Variants in TMEM63A observed in about 807,000 individuals in gnomAD.
TMEM63A encodes the protein mechanosensitive cation channel TMEM63A.
Under a neutral mutation model 100.6 loss-of-function variants are expected in TMEM63A, and 76 were observed. The observed-to-expected ratio is 0.76, with a 90% confidence interval of 0.63 to 0.91. The LOEUF is 0.91. Among genes scored for constraint, TMEM63A ranks in the 40% least tolerant of loss-of-function variants. TMEM63A has a pLI of 0.00. For missense variants in TMEM63A, 876 were observed against 1,008.8 expected (o/e 0.87, Z 1.78); for synonymous variants, 401 against 401.1 (o/e 1.00, Z 0.00).
intron 6 of TMEM63A, among the ~76,000 whole-genome samples, chr1:225,869,802 A>G (rs1670411126): frequency 1.3e-5 from 2 of 150,890 alleles, no homozygotes; most frequent in South Asian, 4.2e-4. Context: ...AGCTGGGATT[A>G]CAGGCACCCG....
In TMEM63A at chr1:225,849,962, G is replaced by T. The variant is rs758539519; in HGVS notation, c.2021C>A (p.Ala674Asp). Residue 674 changes from alanine to aspartate, a missense_variant, in exon 21 of 25, where the codon GCC becomes GAC. Around this residue, in one of 5 missense-constraint regions of TMEM63A, gnomAD observed 339 missense variants for 342.3 expected, o/e 0.99. Coordinates refer to ENST00000366835, the MANE Select transcript of TMEM63A (RefSeq NM_014698.3). ...GAGCCAGAAGAGGCACAGGATGGGG[G>T]CTGCCAAGGCCTGGTTCACAGCGGC... ...HFAAVNQALA[A>D]PILCLFWLYF... 1.9e-6 allele frequency: 3 copies of T among 1,614,252 alleles called. No individual in the cohort carries two copies. The highest frequency in any genetic ancestry group is 1.7e-5 in the Admixed American group (1 of 60,022).
downstream of TMEM63A, among the ~76,000 whole-genome samples, chr1:225,842,206 G>A (rs182587586): frequency 1.5e-4 from 23 of 152,352 alleles, no homozygotes; most frequent in Non-Finnish European, 2.6e-4. Flanking sequence ...TTAAGGAAGC[G>A]AGGCATGTGA....
Position 225,853,797 on chromosome 1 carries a change from G to T in TMEM63A, c.1635-6C>A. On this transcript the variant is annotated splice_polypyrimidine_tract_variant and splice_region_variant and intron_variant, in intron 18 of 24. Transcript: ENST00000366835. The surrounding 1 kb of genome is among the most constrained non-coding windows in gnomAD (Gnocchi z 4.0). Reference sequence around the variant, plus strand: ...GGTCAGGCAGGAAGACGCACCTGGGGAAACCAGGGCCCAGGTCTGTGAGCT... The same window carrying T: ...GGTCAGGCAGGAAGACGCACCTGGGTAAACCAGGGCCCAGGTCTGTGAGCT... The T allele has an allele frequency of 6.3e-7, 1 of 1,592,986 alleles. No individual in the cohort carries two copies.
chr1:225,872,232 A>G (rs1407488401), intron 4 of TMEM63A, among the ~76,000 whole-genome samples, 179 bp from the exon 5 acceptor site: 1 of 152,226 alleles, frequency 6.6e-6, no homozygotes, highest in Non-Finnish European at 1.5e-5. Flanking sequence ...GACAAGGACA[A>G]TGACCATTCC....
At position 225,867,557 on chromosome 1, in the gene TMEM63A, G is replaced by A. The variant is rs1298560875; in HGVS notation, c.514+331C>T. ...CACCCTGATTTTAATTAAGTATCAT[G>A]GATATCTTCTGGGTCCATTAATTGT... is the stretch of plus-strand genomic sequence containing the variant. On this transcript the variant is annotated intron_variant, in intron 7 of 24. Coordinates refer to ENST00000366835, the MANE Select transcript of TMEM63A (RefSeq NM_014698.3). The surrounding 1 kb of genome is among the most constrained non-coding windows in gnomAD (Gnocchi z 4.6). Among the ~76,000 whole-genome samples the A allele has an allele frequency of 2.0e-5, 3 of 152,120 alleles. No individual in the cohort carries two copies. The highest frequency in any genetic ancestry group is 7.2e-5 in the African/African-American group (3 of 41,426).
At chr1:225,842,333 T>A, downstream of TMEM63A, 2 of 1,482,496 alleles carry the variant, frequency 1.3e-6, no homozygotes, top group Non-Finnish European at 1.9e-6. Context: ...TCCCCAGGCC[T>A]GAGTCTCTCC....
At chr1:225,878,559 C>T (rs1178083276) in intron 2 of TMEM63A, among the ~76,000 whole-genome samples, 1 of 152,148 alleles carries the variant, frequency 6.6e-6, no homozygotes, top group African/African-American at 2.4e-5. Flanking sequence ...CAGTGTCTGT[C>T]CCCTGACACC....
In TMEM63A at chr1:225,850,062, G is replaced by A. The variant is rs751643225; in HGVS notation, c.1921C>T (p.Leu641Phe). The change falls in exon 21 of 25, where the codon CTC (leucine) becomes TTC (phenylalanine). Residue 641 changes from leucine to phenylalanine, a missense_variant. Physicochemically the swap from Leu to Phe is conservative, Grantham distance 22. This residue lies in a region of TMEM63A where 339 missense variants were observed against 342.3 expected (regional missense o/e 0.99). Coordinates refer to ENST00000366835, the MANE Select transcript of TMEM63A (RefSeq NM_014698.3). ...IAPFGLIYIL[L>F]KHMVDRHNLY... is the part of the protein sequence containing the mutation. ...TTGTGCCGGTCCACCATGTGCTTGA[G>A]CAGGATGTAGATGAGGCCTGCAGGG... 1.2e-6 allele frequency: 2 copies of A among 1,614,206 alleles called. No homozygotes were observed. Among genetic ancestry groups the A allele is most frequent in the Admixed American group, 3.3e-5 (2 of 60,030 alleles).
At position 225,862,894 on chromosome 1, in the gene TMEM63A, A is replaced by G. The variant is rs1287290301; in HGVS notation, c.747-43T>C. 1 of 1,585,900 alleles carries G rather than the reference A, an allele frequency of 6.3e-7. No individual in the cohort carries two copies. Among genetic ancestry groups the G allele is most frequent in the Non-Finnish European group, 8.6e-7 (1 of 1,159,196 alleles). The stretch of plus-strand genomic sequence containing the variant: ...AGGAGGCAAAAGACACCGTTGGAAA[A>G]GAAAACACCCCAAGCAGGAGACGTG... On this transcript the variant is annotated intron_variant, in intron 10 of 24. Coordinates refer to ENST00000366835, the MANE Select transcript of TMEM63A (RefSeq NM_014698.3). This position sits in a 1 kb window ranked among gnomAD's most constrained non-coding sequence, Gnocchi z 5.1.
chr1:225,859,528 TA>T, intron 14 of TMEM63A, 179 bp from the exon 15 acceptor site: 2 of 732,230 alleles, frequency 2.7e-6, no homozygotes, highest in Non-Finnish European at 4.3e-6. Context: ...AGGGAACAAT[TA>T]TTCTCTCAGA....
At chr1:225,874,243 C>T (rs368496084) in intron 4 of TMEM63A, 45 bp downstream of exon 4, 3 of 1,570,320 alleles carry the variant, frequency 1.9e-6, no homozygotes, top group African/African-American at 2.7e-5. Flanking sequence ...TACACACTCA[C>T]ACGTACGCAC....
At position 225,867,919 on chromosome 1, in the gene TMEM63A, G is replaced by A. The variant is rs1429058212; in HGVS notation, c.483C>T (p.Ile161=). The A allele has an allele frequency of 3.7e-6, 6 of 1,614,060 alleles. No individual in the cohort carries two copies. Among genetic ancestry groups the A allele is most frequent in the Non-Finnish European group, 5.1e-6 (6 of 1,180,048 alleles). Residue 161 remains isoleucine (I), a synonymous_variant, in exon 7 of 25, where the codon ATC becomes ATT. Transcript: ENST00000366835. This position sits in a 1 kb window ranked among gnomAD's most constrained non-coding sequence, Gnocchi z 4.6. Reference sequence around the variant, plus strand: ...AGTCCCCTGAGAGGTTGACAGGCAGGATGACACACAGGGACAAAAAGCTGA... The same window carrying A: ...AGTCCCCTGAGAGGTTGACAGGCAGAATGACACACAGGGACAAAAAGCTGA... ...VVVSFLSLCV[I]LPVNLSGDLL...
chr1:225,882,120 G>A (rs1324474600), intron 1 of TMEM63A, among the ~76,000 whole-genome samples, 184 bp downstream of exon 1: 1 of 152,250 alleles, frequency 6.6e-6, no homozygotes, highest in Non-Finnish European at 1.5e-5. Context: ...GCGCAGGGCT[G>A]GAATGGAGGC....
rs1390451342 is a variant in TMEM63A, at chr1:225,874,321, T to C, written c.233A>G (p.Tyr78Cys). The C allele has an allele frequency of 6.2e-7, 1 of 1,614,128 alleles. No individual in the cohort carries two copies. The highest frequency in any genetic ancestry group is 8.5e-7 in the Non-Finnish European group (1 of 1,180,016). Residue 78 changes from tyrosine to cysteine, a missense_variant, in exon 4 of 25, where the codon TAT (tyrosine) becomes TGT (cysteine). Transcript: ENST00000366835. ...FSIIRRRFWDYGRIALVSEAD... is the reference protein window; with the variant it reads ...FSIIRRRFWDCGRIALVSEAD... The stretch of plus-strand genomic sequence containing the variant: ...TTCTGACACCAGGGCAATGCGGCCA[T>C]AGTCCCAGAATCTTCTTCTTATAAT...
Position 225,865,884 on chromosome 1 carries a change from C to T in TMEM63A, c.746+13G>A, listed in dbSNP as rs1234109478. On this transcript the variant is annotated intron_variant, in intron 10 of 24. Coordinates refer to ENST00000366835, the MANE Select transcript of TMEM63A (RefSeq NM_014698.3). The surrounding 1 kb of genome is among the most constrained non-coding windows in gnomAD (Gnocchi z 4.6). ...GGAGGGGGCTCAGCTCCCCTCCCAC[C>T]CCACCTGCTTACCGGAAGTGGCTCT... 6.2e-7 allele frequency: 1 copy of T among 1,613,384 alleles called. No homozygotes were observed. Among genetic ancestry groups the T allele is most frequent in the African/African-American group, 1.3e-5 (1 of 74,884 alleles).
rs1293957718 is a variant in TMEM63A at position 225,877,450 on chromosome 1, C to T, written c.131G>A (p.Gly44Glu). ...AGTGGGGATGCCACCAAAGGTGACCCCCTGGAGCACGGTGCTGTTTTTGGC... is the reference window on the plus strand; with the variant it reads ...AGTGGGGATGCCACCAAAGGTGACCTCCTGGAGCACGGTGCTGTTTTTGGC... ...NSAKNSTVLQ[G>E]VTFGGIPTVL... is the part of the protein sequence containing the mutation. Residue 44 changes from glycine to glutamate, a missense_variant, in exon 3 of 25, where the codon GGG (glycine) becomes GAG (glutamate). By Grantham distance (98) the Gly-to-Glu change is moderately conservative (BLOSUM62 -2). Around this residue, in one of 5 missense-constraint regions of TMEM63A, gnomAD observed 3 missense variants for 18.4 expected, o/e 0.16. Coordinates refer to ENST00000366835, the MANE Select transcript of TMEM63A (RefSeq NM_014698.3). 1 of 1,614,192 alleles carries T rather than the reference C, an allele frequency of 6.2e-7. No individual in the cohort carries two copies. The highest frequency in any genetic ancestry group is 8.5e-7 in the Non-Finnish European group (1 of 1,180,040).
At chr1:225,872,337 T>G (rs1670550812) in intron 4 of TMEM63A, among the ~76,000 whole-genome samples, 1 of 152,234 alleles carries the variant, frequency 6.6e-6, no homozygotes, top group Non-Finnish European at 1.5e-5. Flanking sequence ...CTAAACTGAC[T>G]TCAAAGTGTT....
At position 225,874,207 on chromosome 1, in the gene TMEM63A, C is replaced by A. The variant is rs931297639; in HGVS notation, c.266+81G>T. On this transcript the variant is annotated intron_variant, in intron 4 of 24. Transcript: ENST00000366835. ...CACTATACACACATATATGCACACA[C>A]GCACATATACACACTCACGCACATA... 1.8e-5 allele frequency: 24 copies of A among 1,325,788 alleles called. No homozygotes were observed. The African/African-American group carries it at 3.4e-4, about 19-fold the overall frequency. The allele number at this position is 1,325,788 out of a possible 1,614,324, so 82.1% of individuals were successfully genotyped here.
Position 225,862,547 on chromosome 1 carries a change from T to A in TMEM63A, c.859A>T (p.Thr287Ser). ...TGGCCTGTCTTCACCTGCAGGTTTGTGTAATAGGTCAGGCTCTTCTCAGTC... is the reference window on the plus strand; with the variant it reads ...TGGCCTGTCTTCACCTGCAGGTTTGAGTAATAGGTCAGGCTCTTCTCAGTC... ...KKTEKSLTYY[T>S]NLQVKTGQRT... is the part of the protein sequence containing the mutation. The change falls in exon 12 of 25, where the codon ACA (threonine) becomes TCA (serine). Residue 287 changes from threonine (T) to serine (S), a missense_variant. This residue lies in a region of TMEM63A where 487 missense variants were observed against 581.9 expected (regional missense o/e 0.84). Transcript: ENST00000366835. The surrounding 1 kb of genome is among the most constrained non-coding windows in gnomAD (Gnocchi z 5.1). The A allele has an allele frequency of 6.2e-7, 1 of 1,613,978 alleles. No homozygotes were observed. The highest frequency in any genetic ancestry group is 8.5e-7 in the Non-Finnish European group (1 of 1,179,976).
Sources: allele counts gnomAD v4.1 joint callset (sites outside exome capture counted in the v4.1 genomes callset), GRCh38; gene constraint gnomAD v4.1.1; regional missense constraint gnomAD v4.1.1; non-coding constraint Gnocchi (gnomAD v3.1); transcripts MANE v1.5; gene names NCBI Gene and HGNC (gene_info 2026-07-23, HGNC 2026-07-21).